The following ASAP1 variants were observed in gnomAD, a reference collection of about 807,000 sequenced individuals.
ASAP1 encodes the protein arf-GAP with SH3 domain, ANK repeat and PH domain-containing protein 1.
In ASAP1, 43 loss-of-function variants were observed where a neutral mutation model predicts 145.2. That is an observed-to-expected ratio of 0.30 (90% CI 0.23 to 0.38). ASAP1 has a LOEUF of 0.38. Ranked by LOEUF, ASAP1 falls within the 10% of genes least tolerant of loss-of-function variation. The probability of loss-of-function intolerance (pLI) is 1.00; values close to 1 mark genes in which losing one functional copy is unlikely to be tolerated. For synonymous variants in ASAP1, 546 were observed against 515.5 expected (o/e 1.06, Z -0.80); for missense variants, 1,018 against 1,355.3 (o/e 0.75, Z 3.91).
intron 3 of ASAP1, among the ~76,000 whole-genome samples, chr8:130,269,438 G>A (rs1820459595): frequency 6.6e-6 from 1 of 152,232 alleles, no homozygotes; most frequent in South Asian, 2.1e-4. Context: ...GATAGTGACA[G>A]TTCAAGTGGC....
intron 25 of ASAP1, among the ~76,000 whole-genome samples, chr8:130,086,434 T>C (rs1447953004): frequency 6.6e-6 from 1 of 152,214 alleles, no homozygotes; most frequent in Non-Finnish European, 1.5e-5. Context: ...AAATATTACG[T>C]ACGTAGTTTT....
chr8:130,424,309 C>T (rs577098262), intron 1 of ASAP1, among the ~76,000 whole-genome samples: 103 of 152,302 alleles, frequency 6.8e-4, no homozygotes, highest in African/African-American at 2.2e-3. Flanking sequence ...AGGAGGACTC[C>T]GGCCCACCCC....
intron 12 of ASAP1, among the ~76,000 whole-genome samples, chr8:130,153,264 A>C (rs1396424360): frequency 6.7e-6 from 1 of 148,470 alleles, no homozygotes; most frequent in Admixed American, 6.7e-5. Flanking sequence ...ATGATCCACC[A>C]GCCTTGGCCT....
chr8:130,345,363 G>T (rs1367657171), intron 3 of ASAP1, among the ~76,000 whole-genome samples: 1 of 152,136 alleles, frequency 6.6e-6, no homozygotes, highest in Admixed American at 6.5e-5. Context: ...AAATTATCTA[G>T]ATTTAAATGC....
At chr8:130,263,428 A>C (rs771974521) in intron 3 of ASAP1, among the ~76,000 whole-genome samples, 2 of 152,218 alleles carry the variant, frequency 1.3e-5, no homozygotes, top group Non-Finnish European at 2.9e-5. Flanking sequence ...GTGTAGAAAA[A>C]AGATGCAACA....
intron 1 of ASAP1, among the ~76,000 whole-genome samples, chr8:130,437,550 A>G (rs1371587639): frequency 1.3e-5 from 2 of 152,240 alleles, no homozygotes; most frequent in African/African-American, 4.8e-5. Flanking sequence ...TCAGGAGAGA[A>G]CAACTATAAT....
rs1242909219 is a variant in ASAP1 at position 130,134,362 on chromosome 8, A to G, written c.1169-18T>C. 1.3e-5 allele frequency: 19 copies of G among 1,511,850 alleles called. No individual in the cohort carries two copies. The Admixed American group carries it at 2.5e-4, about 20-fold the overall frequency. The allele number at this position is 1,511,850 out of a possible 1,614,324, so 93.7% of individuals were successfully genotyped here. A position where few individuals can be genotyped will look rare whatever the true frequency, so the allele number is the denominator to read the frequency against. ...TCTATTATCTAAAATAAAAAAAAAG[A>G]AAAATAAGTGAAACCTTAGAAAGCA... On this transcript the variant is annotated intron_variant, in intron 14 of 29. Transcript: ENST00000518721.
intron 3 of ASAP1, among the ~76,000 whole-genome samples, chr8:130,245,624 T>C (rs1818801699): frequency 1.3e-5 from 2 of 152,220 alleles, no homozygotes; most frequent in African/African-American, 4.8e-5. Context: ...CGCAAAAGTC[T>C]GCTCTCCTAC....
chr8:130,168,370 C>T (rs142074216), intron 10 of ASAP1, among the ~76,000 whole-genome samples: 2 of 152,184 alleles, frequency 1.3e-5, no homozygotes, highest in East Asian at 1.9e-4. Flanking sequence ...AAATCAAAGG[C>T]GTGGTGGCTC....
rs77538337 is a variant in ASAP1, at chr8:130,395,098, G to A, written c.59+6787C>T. Among the ~76,000 whole-genome samples, 1,053 of 152,256 alleles carry A rather than the reference G, an allele frequency of 6.9e-3. 16 individuals are homozygous for A. Among genetic ancestry groups the A allele is most frequent in the African/African-American group, 0.024 (995 of 41,520 alleles). On this transcript the variant is annotated intron_variant, in intron 2 of 29. Coordinates refer to ENST00000518721, the MANE Select transcript of ASAP1 (RefSeq NM_018482.4). ...GGGACCACACAAGAATGTCCCTGCC[G>A]CAGCACAAGAAAAACATCCGTCTCA...
intron 27 of ASAP1, among the ~76,000 whole-genome samples, chr8:130,068,910 T>C (rs2097435921): frequency 6.6e-6 from 1 of 152,222 alleles, no homozygotes; most frequent in Non-Finnish European, 1.5e-5. Context: ...CCATGTGATA[T>C]TACTCCTACA....
At chr8:130,247,533 A>AC (rs985957279) in intron 3 of ASAP1, among the ~76,000 whole-genome samples, 3 of 152,056 alleles carry the variant, frequency 2.0e-5, no homozygotes, top group South Asian at 4.1e-4. Context: ...CCTTAAAAAA[A>AC]AACAACAACA....
chr8:130,362,111 C>T (rs1319507820), intron 2 of ASAP1, among the ~76,000 whole-genome samples: 2 of 152,144 alleles, frequency 1.3e-5, no homozygotes, highest in South Asian at 2.1e-4. Context: ...ATGGCGCTAA[C>T]GACCCACTTG....
At chr8:130,153,332 A>AATATAT (rs67554567) in intron 12 of ASAP1, among the ~76,000 whole-genome samples, 3,571 of 86,948 alleles carry the variant, frequency 0.041, 116 homozygotes, top group African/African-American at 0.063. Flanking sequence ...CTGCTTTTTA[A>AATATAT]ATATATATAT....
chr8:130,242,728 A>G (rs1818614041), intron 3 of ASAP1, among the ~76,000 whole-genome samples: 1 of 152,166 alleles, frequency 6.6e-6, no homozygotes, highest in Non-Finnish European at 1.5e-5. Flanking sequence ...AGCTCTTTCT[A>G]TGCATTCATT....
At chr8:130,439,171 G>T (rs140320002) in intron 1 of ASAP1, among the ~76,000 whole-genome samples, 2 of 152,144 alleles carry the variant, frequency 1.3e-5, no homozygotes, top group African/African-American at 4.8e-5. Context: ...CAACACTGCC[G>T]GCTTTGGAGG....
intron 5 of ASAP1, among the ~76,000 whole-genome samples, chr8:130,192,275 C>T (rs1815190816): frequency 6.9e-6 from 1 of 145,632 alleles, no homozygotes; most frequent in South Asian, 2.1e-4. Context: ...TCCAAAGGGC[C>T]ACAGTATATA....
intron 3 of ASAP1, among the ~76,000 whole-genome samples, chr8:130,244,504 G>A (rs982733892): frequency 1.3e-5 from 2 of 152,118 alleles, no homozygotes; most frequent in African/African-American, 4.8e-5. Flanking sequence ...GGCCACAAAT[G>A]AAATTAAAAC....
chr8:130,364,534 G>A (rs556145850), intron 2 of ASAP1, among the ~76,000 whole-genome samples: 1 of 152,266 alleles, frequency 6.6e-6, no homozygotes, highest in Admixed American at 6.5e-5. Context: ...ATGCTCTGTT[G>A]GCTTATCAAA....
Sources: gnomAD v4.1 joint callset for allele counts (sites outside exome capture counted in the v4.1 genomes callset) on GRCh38, gnomAD v4.1.1 for gene constraint, MANE v1.5 for transcripts, NCBI Gene and HGNC (gene_info 2026-07-23, HGNC 2026-07-21) for gene names.